The following RYR2 variants were observed in gnomAD, a reference collection of about 807,000 sequenced individuals.
RYR2 encodes cardiac muscle ryanodine receptor-calcium release channel.
In RYR2, 227 loss-of-function variants were observed where a neutral mutation model predicts 601.1. That is an observed-to-expected ratio of 0.38 (90% CI 0.34 to 0.42). The LOEUF is 0.42. Among genes scored for constraint, RYR2 ranks in the 10% least tolerant of loss-of-function variants. The probability of loss-of-function intolerance (pLI) is 1.00; values close to 1 mark genes in which losing one functional copy is unlikely to be tolerated. For missense variants in RYR2, 4,646 were observed against 6,156.5 expected (o/e 0.75, Z 8.21); for synonymous variants, 2,223 against 2,175.1 (o/e 1.02, Z -0.61).
At chr1:237,506,543 G>GAA (rs368515743) in intron 22 of RYR2, among the ~76,000 whole-genome samples, 167 bp from the exon 23 acceptor site, 58 of 134,812 alleles carry the variant, frequency 4.3e-4, no homozygotes, top group East Asian at 8.8e-4. Flanking sequence ...GTCTCAAGGG[G>GAA]AAAAAAAAAA....
chr1:237,599,068 C>G (rs2148494399), intron 34 of RYR2, among the ~76,000 whole-genome samples: 1 of 152,174 alleles, frequency 6.6e-6, no homozygotes, highest in African/African-American at 2.4e-5. Context: ...TACAACCTAC[C>G]AAGACTGACT....
At chr1:237,156,443 G>A (rs1675341671) in intron 1 of RYR2, among the ~76,000 whole-genome samples, 1 of 152,150 alleles carries the variant, frequency 6.6e-6, no homozygotes, top group Non-Finnish European at 1.5e-5. Context: ...AATCTGAGAT[G>A]TCTTAAAGGA....
At chr1:237,175,202 T>C (rs982291492) in intron 1 of RYR2, among the ~76,000 whole-genome samples, 5 of 152,238 alleles carry the variant, frequency 3.3e-5, no homozygotes, top group African/African-American at 1.2e-4. Flanking sequence ...ATATAACCTC[T>C]ACAAATCACA....
At chr1:237,197,636 A>G (rs1270318739) in intron 1 of RYR2, among the ~76,000 whole-genome samples, 1 of 152,212 alleles carries the variant, frequency 6.6e-6, no homozygotes, top group African/African-American at 2.4e-5. Flanking sequence ...ATCCGAAGTG[A>G]TGTCATCCTG....
At position 237,808,812 on chromosome 1, in the gene RYR2, A is replaced by C. The variant is rs1574044720; in HGVS notation, c.14299-89A>C. 4.7e-6 allele frequency: 6 copies of C among 1,280,224 alleles called. No homozygotes were observed. In the East Asian group the frequency reaches 1.4e-4, roughly 30 times the overall value. 79.3% of individuals were successfully genotyped at this position (1,280,224 alleles called of 1,614,324 possible). ...TTCTAGTAAACACGGCTGTGTTCTC[A>C]CTAGAGCACTCGCCGCCCATGTAGA... On this transcript the variant is annotated intron_variant, in intron 99 of 104. Transcript: ENST00000366574.
At chr1:237,320,964 G>GT (rs1695570714) in intron 2 of RYR2, among the ~76,000 whole-genome samples, 4 of 13,330 alleles carry the variant, frequency 3.0e-4, no homozygotes, top group South Asian at 0.011. Flanking sequence ...GTCACATTTA[G>GT]GTTTTTTTTT....
chr1:237,398,012 C>T (rs1311298419), intron 10 of RYR2, among the ~76,000 whole-genome samples: 1 of 152,116 alleles, frequency 6.6e-6, no homozygotes, highest in African/African-American at 2.4e-5. Context: ...TGAGCCACTG[C>T]ACCTGGTCTA....
At chr1:237,623,498 A>G (rs1042619561) in intron 38 of RYR2, among the ~76,000 whole-genome samples, 3 of 148,072 alleles carry the variant, frequency 2.0e-5, no homozygotes, top group African/African-American at 5.0e-5. Flanking sequence ...GGTTCAAACA[A>G]TTCTACTGCC....
At chr1:237,060,165 T>C (rs1662662616) in intron 1 of RYR2, among the ~76,000 whole-genome samples, 1 of 152,210 alleles carries the variant, frequency 6.6e-6, no homozygotes, top group South Asian at 2.1e-4. Context: ...AGCTCTCATA[T>C]TTGTATCCAC....
intron 1 of RYR2, among the ~76,000 whole-genome samples, chr1:237,155,179 C>CT (rs11412062): frequency 0.44 from 55,567 of 127,210 alleles, 13,050 homozygotes; most frequent in East Asian, 0.63. Context: ...TTTTTCTTTT[C>CT]TTTTTTTTTT....
intron 1 of RYR2, among the ~76,000 whole-genome samples, chr1:237,089,868 C>T (rs959676847): frequency 5.9e-5 from 9 of 152,042 alleles, no homozygotes; most frequent in South Asian, 2.1e-4. Flanking sequence ...CTGGTGTGGT[C>T]GGCTGAATAA....
At chr1:237,465,895 T>C (rs558042979) in intron 16 of RYR2, among the ~76,000 whole-genome samples, 2 of 152,334 alleles carry the variant, frequency 1.3e-5, no homozygotes, top group East Asian at 3.9e-4. Context: ...TAAGGGATGA[T>C]CATTTTATCT....
intron 1 of RYR2, among the ~76,000 whole-genome samples, chr1:237,165,708 A>T (rs1345156453): frequency 1.3e-5 from 2 of 152,134 alleles, no homozygotes; most frequent in Non-Finnish European, 2.9e-5. Context: ...CTACAAAGAA[A>T]CTAAAAACAT....
At chr1:237,229,518 G>A (rs1471554689) in intron 1 of RYR2, among the ~76,000 whole-genome samples, 1 of 152,126 alleles carries the variant, frequency 6.6e-6, no homozygotes, top group South Asian at 2.1e-4. Context: ...CAGAGTTCCT[G>A]TTGGTACATT....
chr1:237,770,347 A>T (rs1405150736), intron 84 of RYR2, among the ~76,000 whole-genome samples: 1 of 152,226 alleles, frequency 6.6e-6, no homozygotes, highest in African/African-American at 2.4e-5. Flanking sequence ...TTATTCTTTA[A>T]TAAAAGAAAC....
At chr1:237,555,696 G>C (rs1024698843) in intron 27 of RYR2, among the ~76,000 whole-genome samples, 1 of 152,094 alleles carries the variant, frequency 6.6e-6, no homozygotes, top group East Asian at 1.9e-4. Flanking sequence ...AAATTGCAAA[G>C]AGAGAATGCC....
At chr1:237,699,763 A>C (rs1687797892) in intron 64 of RYR2, among the ~76,000 whole-genome samples, 1 of 152,248 alleles carries the variant, frequency 6.6e-6, no homozygotes, top group Non-Finnish European at 1.5e-5. Flanking sequence ...TATGAAGTTC[A>C]GCCTTCGGCG....
Position 237,617,383 on chromosome 1 carries a change from A to G in RYR2, c.5813A>G (p.Asp1938Gly). The change falls in exon 38 of 105, where the codon GAC becomes GGC. Residue 1938 changes from aspartate (D) to glycine (G), a missense_variant. By Grantham distance (94) the Asp-to-Gly change is moderately conservative. This residue lies in a region of RYR2 where 1,807 missense variants were observed against 2,088.1 expected (regional missense o/e 0.87). Coordinates refer to ENST00000366574, the MANE Select transcript of RYR2 (RefSeq NM_001035.3). Reference protein sequence around the residue: ...FSDDFVAKLQDNQRFRYNEVM... With the variant: ...FSDDFVAKLQGNQRFRYNEVM... ...GATGATTTTGTGGCTAAGCTCCAAG[A>G]CAATCAACGTTTCCGATACAACGAA... 1 of 1,614,030 alleles carries G rather than the reference A, an allele frequency of 6.2e-7. No homozygotes were observed. Among genetic ancestry groups the G allele is most frequent in the Middle Eastern group, 1.6e-4 (1 of 6,062 alleles).
chr1:237,203,970 C>G (rs982450582), intron 1 of RYR2, among the ~76,000 whole-genome samples: 2 of 152,146 alleles, frequency 1.3e-5, no homozygotes, highest in Non-Finnish European at 2.9e-5. Context: ...TGTCTGGCTT[C>G]TTTCATTGAA....
Sources: allele counts gnomAD v4.1 joint callset (sites outside exome capture counted in the v4.1 genomes callset), GRCh38; gene constraint gnomAD v4.1.1; regional missense constraint gnomAD v4.1.1; transcripts MANE v1.5; gene names NCBI Gene and HGNC (gene_info 2026-07-23, HGNC 2026-07-21).